The following ULK4 variants were observed in gnomAD, a reference collection of about 807,000 sequenced individuals.
ULK4 encodes the protein inactive serine/threonine-protein kinase ULK4.
ULK4 carries 133 observed loss-of-function variants against 160.6 expected under a neutral mutation model. The observed-to-expected ratio is 0.83, with a 90% CI of 0.72 to 0.96. ULK4 has a LOEUF of 0.96. Among genes scored for constraint, ULK4 ranks in the 40% least tolerant of loss-of-function variants. The pLI is 0.00. For missense variants in ULK4, 1,580 were observed against 1,499.5 expected (o/e 1.05, Z -0.89); for synonymous variants, 534 against 539.8 (o/e 0.99, Z 0.15).
At chr3:41,511,155 T>G (rs1419561640) in intron 32 of ULK4, among the ~76,000 whole-genome samples, 1 of 74,828 alleles carries the variant, frequency 1.3e-5, no homozygotes, top group African/African-American at 5.8e-5. Context: ...AGAGCGAGAC[T>G]CCGTCTCAAA....
intron 12 of ULK4, among the ~76,000 whole-genome samples, chr3:41,905,905 C>G (rs907657905): frequency 9.2e-5 from 14 of 151,946 alleles, no homozygotes; most frequent in Admixed American, 7.9e-4. Flanking sequence ...TGAAACCTGT[C>G]TCTACTAAAA....
intron 25 of ULK4, among the ~76,000 whole-genome samples, chr3:41,710,675 T>C (rs1462927896): frequency 6.6e-6 from 1 of 151,492 alleles, no homozygotes; most frequent in Non-Finnish European, 1.5e-5. Context: ...ACGCCTGTAA[T>C]CCCAGCTACT....
chr3:41,615,578 G>A, intron 31 of ULK4, 91 bp downstream of exon 31: 5 of 1,252,088 alleles, frequency 4.0e-6, no homozygotes, highest in Non-Finnish European at 5.7e-6. Context: ...CAGGGCAGAG[G>A]CAGGGTTAGC....
In ULK4 at chr3:41,873,065, T is replaced by C. The variant is rs113745979; in HGVS notation, c.1656+10809A>G. ...CTACTCGGGAGGCTGAGGTAGAGAA[T>C]TGCTTGAACCTGGGAGGGAAAGGCT... On this transcript the variant is annotated intron_variant, in intron 17 of 36. Transcript: ENST00000301831. Among the ~76,000 whole-genome samples the C allele has an allele frequency of 2.7e-3, 412 of 152,164 alleles. 6 individuals are homozygous for C. Among genetic ancestry groups the C allele is most frequent in the African/African-American group, 9.4e-3 (390 of 41,510 alleles).
chr3:41,842,634 C>T (rs1443477923), intron 17 of ULK4, among the ~76,000 whole-genome samples: 1 of 152,224 alleles, frequency 6.6e-6, no homozygotes, highest in African/African-American at 2.4e-5. Flanking sequence ...GGGATGTCTA[C>T]TCCCCTTCAC....
At chr3:41,372,402 C>T (rs897668742) in intron 35 of ULK4, among the ~76,000 whole-genome samples, 2 of 152,112 alleles carry the variant, frequency 1.3e-5, no homozygotes, top group Non-Finnish European at 2.9e-5. Flanking sequence ...AGAGAAAGGT[C>T]GGGTTACCCA....
chr3:41,390,057 A>T (rs112268149), intron 35 of ULK4, among the ~76,000 whole-genome samples: 45 of 152,236 alleles, frequency 3.0e-4, no homozygotes, highest in African/African-American at 1.0e-3. Context: ...AGATCCTGTT[A>T]TTGGTCTATT....
chr3:41,816,618 T>C (rs1179160146), intron 19 of ULK4, among the ~76,000 whole-genome samples: 1 of 151,956 alleles, frequency 6.6e-6, no homozygotes, highest in East Asian at 1.9e-4. Flanking sequence ...AGTTCAAGAC[T>C]AGCCTGGGCG....
chr3:41,249,442 G>C lies in ULK4; in HGVS notation c.3764+47C>G, dbSNP rs777820950. ...AGTGGAGAAAGGAATGGCTGAGAGT[G>C]TGTGCTGATCTAGAGCAGACTGCTG... On this transcript the variant is annotated intron_variant, in intron 36 of 36. Transcript: ENST00000301831. 2.6e-6 allele frequency: 4 copies of C among 1,549,742 alleles called. No individual in the cohort carries two copies. In the South Asian group the frequency reaches 3.5e-5, roughly 14 times the overall value.
intron 17 of ULK4, among the ~76,000 whole-genome samples, chr3:41,878,081 G>GAAAA (rs35037891): frequency 9.2e-6 from 1 of 108,286 alleles, no homozygotes; most frequent in Non-Finnish European, 1.9e-5. Flanking sequence ...GCTCTACCAG[G>GAAAA]AAAAAAAAAA....
chr3:41,342,679 C>G lies in ULK4; in HGVS notation c.3678+55400G>C, dbSNP rs551128693. 1.3e-4 allele frequency among the ~76,000 whole-genome samples: 20 copies of G among 152,276 alleles called. No homozygotes were observed. In the South Asian group the frequency reaches 3.9e-3, roughly 30 times the overall value. On this transcript the variant is annotated intron_variant, in intron 35 of 36. Transcript: ENST00000301831. ...TCCTCCCTAACTCATTCTATGAGGC[C>G]AGCATCATCCTGATACCAAAACCTG...
At chr3:41,601,440 T>A (rs1559424855) in intron 31 of ULK4, among the ~76,000 whole-genome samples, 1 of 152,190 alleles carries the variant, frequency 6.6e-6, no homozygotes, top group Non-Finnish European at 1.5e-5. Context: ...GAGCTTCATT[T>A]CCTATTCTTT....
At chr3:41,281,317 C>T (rs895782054) in intron 35 of ULK4, among the ~76,000 whole-genome samples, 3 of 152,182 alleles carry the variant, frequency 2.0e-5, no homozygotes, top group Non-Finnish European at 2.9e-5. Flanking sequence ...CCAGCATCAT[C>T]CTGATACCAA....
In ULK4 at chr3:41,800,029, G is replaced by C. The variant is rs568494966; in HGVS notation, c.2010+103C>G. Reference sequence around the variant, plus strand: ...CTCTCAATATTACTCTGAGATTTCAGTTTCCTATCTATTAAATTAAATTTA... The same window carrying C: ...CTCTCAATATTACTCTGAGATTTCACTTTCCTATCTATTAAATTAAATTTA... On this transcript the variant is annotated intron_variant, in intron 20 of 36. Coordinates refer to ENST00000301831, the MANE Select transcript of ULK4 (RefSeq NM_017886.4). The C allele has an allele frequency of 2.6e-6, 3 of 1,145,222 alleles. No homozygotes were observed. The East Asian group carries it at 8.7e-5, about 33-fold the overall frequency. 70.9% of individuals were successfully genotyped at this position (1,145,222 alleles called of 1,614,324 possible). A position where few individuals can be genotyped will look rare whatever the true frequency, so the allele number is the denominator to read the frequency against.
At chr3:41,935,520 C>T (rs1316035222) in intron 4 of ULK4, among the ~76,000 whole-genome samples, 4 of 150,902 alleles carry the variant, frequency 2.7e-5, no homozygotes, top group African/African-American at 7.3e-5. Context: ...TGAGCCACCG[C>T]GCCTAGCCTT....
chr3:41,889,809 A>G (rs1697852727), intron 16 of ULK4, among the ~76,000 whole-genome samples: 1 of 152,278 alleles, frequency 6.6e-6, no homozygotes, highest in South Asian at 2.1e-4. Context: ...AACCTTGTAG[A>G]CAAATGTTCA....
intron 35 of ULK4, among the ~76,000 whole-genome samples, chr3:41,272,429 C>T (rs888027550): frequency 2.9e-5 from 4 of 137,808 alleles, no homozygotes; most frequent in East Asian, 2.3e-4. Flanking sequence ...TCAATAAAGA[C>T]GTTGCTTCCT....
intron 32 of ULK4, among the ~76,000 whole-genome samples, chr3:41,474,229 CA>C (rs1281868042): frequency 2.0e-5 from 3 of 152,060 alleles, no homozygotes; most frequent in Non-Finnish European, 2.9e-5. Flanking sequence ...TGACTCTTGA[CA>C]AAGGTATCAA....
intron 34 of ULK4, among the ~76,000 whole-genome samples, chr3:41,431,278 G>A (rs1050512349): frequency 1.3e-5 from 2 of 151,644 alleles, no homozygotes; most frequent in African/African-American, 2.4e-5. Context: ...AACCCGGGGG[G>A]CAGAGGTTGC....
Sources: allele counts gnomAD v4.1 joint callset (sites outside exome capture counted in the v4.1 genomes callset), GRCh38; gene constraint gnomAD v4.1.1; transcripts MANE v1.5; gene names NCBI Gene and HGNC (gene_info 2026-07-23, HGNC 2026-07-21).